Variants in KCNJ6 observed in about 807,000 individuals in gnomAD.
The protein encoded by KCNJ6 is potassium inwardly rectifying channel subfamily J member 6.
A neutral mutation model predicts 34.2 loss-of-function variants in KCNJ6; 9 were observed. The ratio of observed to expected loss-of-function variants is 0.26; its 90% CI spans 0.16 to 0.46. The LOEUF is 0.46. KCNJ6 is among the 20% of genes least tolerant of loss of function. The pLI is 1.00. For missense variants in KCNJ6, 236 were observed against 531.3 expected (o/e 0.44, Z 5.46); for synonymous variants, 196 against 207.1 (o/e 0.95, Z 0.46).
chr21:37,636,998 C>G (rs2054360922), intron 3 of KCNJ6, among the ~76,000 whole-genome samples: 1 of 152,198 alleles, frequency 6.6e-6, no homozygotes, highest in Admixed American at 6.5e-5. Context: ...ATTGTAGACA[C>G]TTAACCATTT....
At chr21:37,718,212 C>T (rs777501721) in intron 2 of KCNJ6, among the ~76,000 whole-genome samples, 2 of 152,116 alleles carry the variant, frequency 1.3e-5, no homozygotes, top group Non-Finnish European at 2.9e-5. Context: ...CTGTGGGGGA[C>T]AATGAAGTCA....
intron 1 of KCNJ6, among the ~76,000 whole-genome samples, chr21:37,880,936 A>T (rs8132816): frequency 0.71 from 107,393 of 151,992 alleles, 38,374 homozygotes; most frequent in East Asian, 0.93. Context: ...ATGGATAGAG[A>T]TGGCTCAGGA....
At chr21:37,821,301 A>G (rs986517873) in intron 2 of KCNJ6, among the ~76,000 whole-genome samples, 1 of 152,222 alleles carries the variant, frequency 6.6e-6, no homozygotes, top group African/African-American at 2.4e-5. Flanking sequence ...ACCTCCATCT[A>G]GTTCCCATTT....
At chr21:37,775,963 T>C (rs1337656853) in intron 2 of KCNJ6, among the ~76,000 whole-genome samples, 2 of 152,316 alleles carry the variant, frequency 1.3e-5, no homozygotes, top group Non-Finnish European at 2.9e-5. Flanking sequence ...TTTCACGATA[T>C]TGATTTTTCC....
intron 2 of KCNJ6, among the ~76,000 whole-genome samples, chr21:37,815,687 GAA>G (rs890153770): frequency 4.6e-5 from 7 of 152,212 alleles, no homozygotes; most frequent in Non-Finnish European, 8.8e-5. Flanking sequence ...TGGTGGAGCA[GAA>G]AGAACCCCTC....
intron 1 of KCNJ6, among the ~76,000 whole-genome samples, chr21:37,845,312 A>G (rs899597528): frequency 6.6e-6 from 1 of 152,218 alleles, no homozygotes; most frequent in African/African-American, 2.4e-5. Context: ...TTGTTGGGAG[A>G]AAAGAACTTA....
At chr21:37,740,957 GT>G (rs1003541951) in intron 2 of KCNJ6, among the ~76,000 whole-genome samples, 2 of 152,140 alleles carry the variant, frequency 1.3e-5, no homozygotes, top group African/African-American at 4.8e-5. Flanking sequence ...TCTTCTGTCT[GT>G]CCCCTTGAAT....
chr21:37,898,121 G>A (rs990314550), intron 1 of KCNJ6, among the ~76,000 whole-genome samples: 6 of 152,212 alleles, frequency 3.9e-5, no homozygotes, highest in Admixed American at 1.3e-4. Flanking sequence ...AAGGCAGAGC[G>A]TGATGGGGGC....
intron 2 of KCNJ6, among the ~76,000 whole-genome samples, chr21:37,768,013 A>G (rs935125062): frequency 3.3e-5 from 5 of 152,094 alleles, no homozygotes; most frequent in Non-Finnish European, 7.3e-5. Flanking sequence ...GTGGGCTTTC[A>G]TGCAAATTAT....
At position 37,619,097 on chromosome 21, in the gene KCNJ6, A is replaced by G. The variant is rs929725957; in HGVS notation, c.*6062T>C. 2 of 152,222 alleles carry G rather than the reference A, an allele frequency of 1.3e-5. No homozygotes were observed. The highest frequency in any genetic ancestry group is 2.9e-5 in the Non-Finnish European group (2 of 68,042). 9.4% of individuals were successfully genotyped at this position (152,222 alleles called of 1,614,324 possible). ...AATCCATCCTTTATCTGTCGACAAT[A>G]TAACAACATCACAATGATTTGTTAC... is the stretch of plus-strand genomic sequence containing the variant. On this transcript the variant is annotated 3_prime_UTR_variant, in exon 4 of 4. Transcript: ENST00000609713.
intron 3 of KCNJ6, among the ~76,000 whole-genome samples, chr21:37,673,469 A>G (rs1005854461): frequency 6.6e-6 from 1 of 151,976 alleles, no homozygotes; most frequent in Non-Finnish European, 1.5e-5. Flanking sequence ...TCCTTTTCTC[A>G]GGGATAGGAT....
chr21:37,719,993 C>T (rs571253536), intron 2 of KCNJ6, among the ~76,000 whole-genome samples: 156 of 151,940 alleles, frequency 1.0e-3, no homozygotes, highest in Non-Finnish European at 1.8e-3. Context: ...TTTTTAATGT[C>T]GTGGGGAAAA....
intron 3 of KCNJ6, among the ~76,000 whole-genome samples, chr21:37,708,565 A>G (rs1010106600): frequency 5.2e-3 from 1 of 192 alleles, no homozygotes; most frequent in Non-Finnish European, 9.8e-3. Flanking sequence ...CCTAGGAAAA[A>G]CATATTCCAT....
At chr21:37,871,305 T>C (rs548198391) in intron 1 of KCNJ6, among the ~76,000 whole-genome samples, 5 of 152,306 alleles carry the variant, frequency 3.3e-5, no homozygotes, top group Admixed American at 2.0e-4. Flanking sequence ...CCTCTGATCC[T>C]GGTGTTCTGC....
At position 37,761,544 on chromosome 21, in the gene KCNJ6, T is replaced by G. The variant is rs576576685; in HGVS notation, c.26-46413A>C. On this transcript the variant is annotated intron_variant, in intron 2 of 3. Coordinates refer to ENST00000609713, the MANE Select transcript of KCNJ6 (RefSeq NM_002240.5). ...TTGTGTGTGTGGTGTGTGTCGTGTG[T>G]GTGGTATGTGTGTATGTGTTGTGTG... Among the ~76,000 whole-genome samples, 6 of 150,420 alleles carry G rather than the reference T, an allele frequency of 4.0e-5. No individual in the cohort carries two copies. In the East Asian group the frequency reaches 9.8e-4, roughly 24 times the overall value.
chr21:37,825,317 G>A (rs1042314439), intron 2 of KCNJ6, among the ~76,000 whole-genome samples: 2 of 152,110 alleles, frequency 1.3e-5, no homozygotes, highest in African/African-American at 4.8e-5. Context: ...AATCTCAAGA[G>A]GAGGGCTAAG....
At chr21:37,790,703 T>C (rs958298956) in intron 2 of KCNJ6, among the ~76,000 whole-genome samples, 2 of 152,240 alleles carry the variant, frequency 1.3e-5, no homozygotes, top group Non-Finnish European at 2.9e-5. Flanking sequence ...TAAGGGACTG[T>C]GACTATAGTC....
At position 37,853,846 on chromosome 21, in the gene KCNJ6, G is replaced by GTGTATATA. The variant is rs71198897; in HGVS notation, c.-27-13138_-27-13137insTATATACA. On this transcript the variant is annotated intron_variant, in intron 1 of 3. Coordinates refer to ENST00000609713, the MANE Select transcript of KCNJ6 (RefSeq NM_002240.5). ...GTAGTTAAGAGATACATATATATAT[G>GTGTATATA]TATATATATATATATAAATTACATT... Among the ~76,000 whole-genome samples the GTGTATATA allele has an allele frequency of 1.6e-4, 18 of 115,990 alleles. 1 individual carries two copies. The highest frequency in any genetic ancestry group is 3.5e-4 in the Admixed American group (4 of 11,462). 76.1% of individuals were successfully genotyped at this position (115,990 alleles called of 152,430 possible).
intron 2 of KCNJ6, among the ~76,000 whole-genome samples, chr21:37,748,185 C>A (rs553707084): frequency 1.2e-4 from 19 of 152,206 alleles, no homozygotes; most frequent in Non-Finnish European, 2.6e-4. Flanking sequence ...TACGTGAACA[C>A]TTCCAACCCT....
Sources: allele counts gnomAD v4.1 joint callset (sites outside exome capture counted in the v4.1 genomes callset), GRCh38; gene constraint gnomAD v4.1.1; transcripts MANE v1.5; gene names NCBI Gene and HGNC (gene_info 2026-07-23, HGNC 2026-07-21).